Variants in LPP observed in about 807,000 individuals in gnomAD.
LPP encodes LIM domain containing preferred translocation partner in lipoma.
Under a neutral mutation model 60.4 loss-of-function variants are expected in LPP, and 38 were observed. The observed-to-expected ratio is 0.63, with a 90% CI of 0.49 to 0.83. LPP has a LOEUF of 0.83. Among genes scored for constraint, LPP ranks in the 40% least tolerant of loss-of-function variants. The pLI, the probability that LPP is intolerant of heterozygous loss-of-function variation, is 0.00. For missense variants in LPP, 902 were observed against 783.6 expected, an observed-to-expected ratio of 1.15 and a Z score of -1.80; for synonymous variants, 328 against 290.8, an observed-to-expected ratio of 1.13 and a Z score of -1.30.
At chr3:188,840,854 A>G (rs932050194) in intron 9 of LPP, among the ~76,000 whole-genome samples, 2 of 151,790 alleles carry the variant, frequency 1.3e-5, no homozygotes, top group African/African-American at 4.8e-5. Context: ...ATTCTTTTCC[A>G]CCTCTAGCCT....
intron 4 of LPP, among the ~76,000 whole-genome samples, chr3:188,453,210 A>T (rs1416223060): frequency 6.6e-6 from 1 of 152,148 alleles, no homozygotes; most frequent in Non-Finnish European, 1.5e-5. Context: ...CAACCCTGGC[A>T]TCGTGCCCCC....
At chr3:188,304,411 GGAGTATAATGC>G (rs1310992955) in intron 2 of LPP, among the ~76,000 whole-genome samples, 6 of 152,130 alleles carry the variant, frequency 3.9e-5, no homozygotes, top group Non-Finnish European at 8.8e-5. Context: ...GGCAGAACCA[GGAGTATAATGC>G]GAATGTTAAG....
intron 4 of LPP, among the ~76,000 whole-genome samples, chr3:188,469,669 C>T (rs781259963): frequency 1.3e-5 from 2 of 152,080 alleles, no homozygotes; most frequent in Admixed American, 6.6e-5. Context: ...GTTTTGTTAT[C>T]GTTTTAGTTA....
chr3:188,500,576 A>G (rs1045914094), intron 5 of LPP, among the ~76,000 whole-genome samples: 15 of 152,104 alleles, frequency 9.9e-5, no homozygotes, highest in African/African-American at 3.6e-4. Context: ...TCACAGAATG[A>G]GTTAGGAAGT....
chr3:188,775,631 A>G (rs994232589), intron 9 of LPP, among the ~76,000 whole-genome samples: 2 of 152,200 alleles, frequency 1.3e-5, no homozygotes. Context: ...CTGGCTGGGC[A>G]GTGTCTGCAG....
At chr3:188,697,632 G>A (rs2149540318) in intron 7 of LPP, among the ~76,000 whole-genome samples, 1 of 152,182 alleles carries the variant, frequency 6.6e-6, no homozygotes, top group East Asian at 1.9e-4. Flanking sequence ...GTTTTATAAA[G>A]TATGTTTCCT....
At chr3:188,656,261 G>A (rs1232602797) in intron 7 of LPP, among the ~76,000 whole-genome samples, 1 of 151,420 alleles carries the variant, frequency 6.6e-6, no homozygotes, top group Non-Finnish European at 1.5e-5. Flanking sequence ...GCGCTCCCAG[G>A]TGCTGCCAGG....
At chr3:188,198,123 A>G (rs1730057902) in intron 1 of LPP, among the ~76,000 whole-genome samples, 1 of 152,172 alleles carries the variant, frequency 6.6e-6, no homozygotes, top group African/African-American at 2.4e-5. Flanking sequence ...TGCTTTATTC[A>G]TATTGTTTCA....
intron 4 of LPP, among the ~76,000 whole-genome samples, chr3:188,447,377 C>T (rs1188113187): frequency 4.6e-5 from 7 of 152,050 alleles, no homozygotes; most frequent in Admixed American, 2.6e-4. Flanking sequence ...TTTGGGAGGC[C>T]GAGGTGGGAG....
At chr3:188,579,188 C>A (rs894206749) in intron 6 of LPP, among the ~76,000 whole-genome samples, 4 of 152,164 alleles carry the variant, frequency 2.6e-5, no homozygotes, top group African/African-American at 9.7e-5. Flanking sequence ...CCAAAGCCAT[C>A]GCTGAATCCT....
At chr3:188,312,553 A>C (rs967188066) in intron 2 of LPP, among the ~76,000 whole-genome samples, 3 of 152,176 alleles carry the variant, frequency 2.0e-5, no homozygotes, top group African/African-American at 7.2e-5. Context: ...ATTTAAAAAG[A>C]AATTTCCAAT....
rs778173395 is a variant in LPP at position 188,874,466 on chromosome 3, G to T, written c.1826G>T (p.Ser609Ile). The T allele has an allele frequency of 9.3e-6, 15 of 1,613,976 alleles. No homozygotes were observed. Among genetic ancestry groups the T allele is most frequent in the Non-Finnish European group, 1.3e-5 (15 of 1,179,942 alleles). ...ARIRVLTAKA[S>I]TDL is the part of the protein sequence containing the mutation. The stretch of plus-strand genomic sequence containing the variant: ...ATCAGGGTGTTGACCGCCAAGGCGA[G>T]CACTGACCTTTAGATTCAGTCACCT... The change falls in exon 12 of 12, where the codon AGC (serine) becomes ATC (isoleucine). Residue 609 changes from serine to isoleucine, a missense_variant. By Grantham distance (142) the Ser-to-Ile change is moderately radical. Coordinates refer to ENST00000617246, the MANE Select transcript of LPP (RefSeq NM_001375462.1).
chr3:188,210,057 A>C (rs1219854859), intron 1 of LPP, among the ~76,000 whole-genome samples: 1 of 151,554 alleles, frequency 6.6e-6, no homozygotes, highest in Non-Finnish European at 1.5e-5. Flanking sequence ...TCAACCAACC[A>C]AGGCTCGAAA....
rs1206651638 is a variant in LPP, at chr3:188,509,874, T to TTG, written c.307-14790_307-14789insGT. Among the ~76,000 whole-genome samples, 6 of 12,986 alleles carry TTG rather than the reference T, an allele frequency of 4.6e-4. No individual in the cohort carries two copies. In the South Asian group the frequency reaches 5.5e-3, roughly 12 times the overall value. The allele number at this position is 12,986 out of a possible 152,430, so 8.5% of individuals were successfully genotyped here. ...TGCCTGGCTAATTTTTTTTTTGTTG[T>TTG]TTTTTTTTTTTTTTTTGCATCTTTA... On this transcript the variant is annotated intron_variant, in intron 5 of 11. Transcript: ENST00000617246.
chr3:188,186,272 C>T (rs982354197), intron 1 of LPP, among the ~76,000 whole-genome samples: 17 of 152,194 alleles, frequency 1.1e-4, no homozygotes, highest in Non-Finnish European at 2.2e-4. Flanking sequence ...GGATTCTTTA[C>T]ATTTTCAAGT....
chr3:188,889,663 A>C lies in LPP; in HGVS notation c.*15184A>C, dbSNP rs2152108687. 4.5e-6 allele frequency: 1 copy of C among 224,572 alleles called. No homozygotes were observed. Among genetic ancestry groups the C allele is most frequent in the East Asian group, 6.4e-5 (1 of 15,526 alleles). 13.9% of individuals were successfully genotyped at this position (224,572 alleles called of 1,614,324 possible). ...AGATGGACTCCATGCCATTGCAGTC[A>C]GCCACCATTCTCTTTTCCATATAAG... On this transcript the variant is annotated 3_prime_UTR_variant, in exon 12 of 12. Coordinates refer to ENST00000617246, the MANE Select transcript of LPP (RefSeq NM_001375462.1).
intron 1 of LPP, among the ~76,000 whole-genome samples, chr3:188,184,759 T>C (rs776665692): frequency 4.6e-5 from 7 of 151,782 alleles, no homozygotes; most frequent in Admixed American, 2.0e-4. Context: ...AGCATTTGCA[T>C]TGAGGCCACT....
intron 4 of LPP, among the ~76,000 whole-genome samples, chr3:188,442,230 C>T (rs557642492): frequency 2.6e-5 from 4 of 152,244 alleles, no homozygotes; most frequent in South Asian, 4.2e-4. Flanking sequence ...CCCATCAACT[C>T]GTCATTTACG....
chr3:188,304,240 T>C (rs1263506387), intron 2 of LPP, among the ~76,000 whole-genome samples: 1 of 152,230 alleles, frequency 6.6e-6, no homozygotes, highest in African/African-American at 2.4e-5. Flanking sequence ...ATTCTCTTGC[T>C]GTACCTCCAA....
Sources: allele counts gnomAD v4.1 joint callset (sites outside exome capture counted in the v4.1 genomes callset), GRCh38; gene constraint gnomAD v4.1.1; transcripts MANE v1.5; gene names NCBI Gene and HGNC (gene_info 2026-07-23, HGNC 2026-07-21).